LRP1B: variants seen among roughly 807,000 people sequenced by gnomAD.
LRP1B encodes the protein low-density lipoprotein receptor-related protein 1B.
A neutral mutation model predicts 556.6 loss-of-function variants in LRP1B; 217 were observed. The observed-to-expected ratio is 0.39, with a 90% CI of 0.35 to 0.44. LRP1B has a LOEUF of 0.44. Among genes scored for constraint, LRP1B ranks in the 20% least tolerant of loss-of-function variants. The pLI is 1.00. For missense variants in LRP1B, 5,053 were observed against 5,620.8 expected (o/e 0.90, Z 3.23); for synonymous variants, 2,047 against 1,865.8 (o/e 1.10, Z -2.50).
At chr2:141,902,284 T>C (rs931585423) in intron 1 of LRP1B, among the ~76,000 whole-genome samples, 2 of 151,842 alleles carry the variant, frequency 1.3e-5, no homozygotes, top group African/African-American at 4.8e-5. Flanking sequence ...AAAAGATGAT[T>C]AGAATTTTCC....
chr2:141,074,641 T>TA (rs1340525120), intron 7 of LRP1B, among the ~76,000 whole-genome samples: 1 of 148,016 alleles, frequency 6.8e-6, no homozygotes, highest in Non-Finnish European at 1.5e-5. Flanking sequence ...ATATATTACA[T>TA]ATATAATTTT....
chr2:142,031,330 A>ATCTTTTTTT (rs1553506158), intron 1 of LRP1B, among the ~76,000 whole-genome samples: 5 of 117,048 alleles, frequency 4.3e-5, no homozygotes, highest in African/African-American at 1.5e-4. Flanking sequence ...GATTATACTT[A>ATCTTTTTTT]TTTTTTTTTT....
At chr2:140,415,277 T>C (rs2105255249) in intron 66 of LRP1B, among the ~76,000 whole-genome samples, 1 of 150,668 alleles carries the variant, frequency 6.6e-6, no homozygotes, top group East Asian at 1.9e-4. Flanking sequence ...TGGACCCTTA[T>C]CAGTAGTTCT....
chr2:141,734,168 A>G (rs568185715), intron 2 of LRP1B, among the ~76,000 whole-genome samples: 4 of 152,274 alleles, frequency 2.6e-5, no homozygotes, highest in African/African-American at 9.6e-5. Context: ...ATTGTAATTA[A>G]TTGACGAATT....
At chr2:141,352,322 T>C (rs1453280393) in intron 3 of LRP1B, among the ~76,000 whole-genome samples, 1 of 151,946 alleles carries the variant, frequency 6.6e-6, no homozygotes, top group African/African-American at 2.4e-5. Flanking sequence ...TATTTATCCA[T>C]AGAAATGTGG....
intron 6 of LRP1B, among the ~76,000 whole-genome samples, chr2:141,228,044 A>G (rs1683312582): frequency 6.6e-6 from 1 of 152,080 alleles, no homozygotes; most frequent in African/African-American, 2.4e-5. Flanking sequence ...CTTCTGGCTC[A>G]ACCTCCCAAG....
At chr2:140,972,426 A>T (rs2105331009) in intron 18 of LRP1B, among the ~76,000 whole-genome samples, 1 of 152,284 alleles carries the variant, frequency 6.6e-6, no homozygotes, top group East Asian at 1.9e-4. Context: ...TTTGAAAGAA[A>T]ATTAAAACTC....
chr2:141,178,203 T>G (rs1240066485), intron 7 of LRP1B, among the ~76,000 whole-genome samples: 2 of 152,086 alleles, frequency 1.3e-5, no homozygotes, highest in East Asian at 3.9e-4. Flanking sequence ...CAACTTCAGG[T>G]GTAGTGTGGA....
chr2:142,019,132 G>T (rs1256701297), intron 1 of LRP1B, among the ~76,000 whole-genome samples: 1 of 152,086 alleles, frequency 6.6e-6, no homozygotes, highest in South Asian at 2.1e-4. Flanking sequence ...TTCAGAATTG[G>T]AATAAAAGAT....
At chr2:140,258,931 G>A (rs1008367471) in intron 86 of LRP1B, among the ~76,000 whole-genome samples, 3 of 151,974 alleles carry the variant, frequency 2.0e-5, no homozygotes, top group Non-Finnish European at 4.4e-5. Flanking sequence ...AAACCTATGG[G>A]AACTTTTTCT....
chr2:141,197,435 T>C (rs1435322158), intron 6 of LRP1B, among the ~76,000 whole-genome samples: 1 of 152,122 alleles, frequency 6.6e-6, no homozygotes, highest in Non-Finnish European at 1.5e-5. Flanking sequence ...TTGTCCGAAA[T>C]TGTCTCACAT....
At chr2:141,251,110 G>A (rs1215942134) in intron 4 of LRP1B, among the ~76,000 whole-genome samples, 2 of 152,072 alleles carry the variant, frequency 1.3e-5, no homozygotes, top group Non-Finnish European at 2.9e-5. Flanking sequence ...GTATGGGGTG[G>A]AGAAAATCCA....
chr2:140,423,276 T>C (rs1220621429), intron 66 of LRP1B, among the ~76,000 whole-genome samples: 1 of 152,158 alleles, frequency 6.6e-6, no homozygotes, highest in Non-Finnish European at 1.5e-5. Context: ...CAGCATTTAG[T>C]GCCAACATTT....
intron 1 of LRP1B, among the ~76,000 whole-genome samples, chr2:141,845,222 T>C (rs1281741821): frequency 1.3e-5 from 2 of 151,792 alleles, no homozygotes; most frequent in Non-Finnish European, 2.9e-5. Flanking sequence ...CAAAGTAATA[T>C]CACAGTCTTT....
At chr2:140,562,181 A>G (rs1680955783) in intron 43 of LRP1B, among the ~76,000 whole-genome samples, 1 of 152,186 alleles carries the variant, frequency 6.6e-6, no homozygotes, top group Admixed American at 6.6e-5. Flanking sequence ...GTTACTTTTA[A>G]AAGTTTAGTG....
At chr2:140,597,587 A>G (rs758531593) in intron 43 of LRP1B, among the ~76,000 whole-genome samples, 5 of 152,210 alleles carry the variant, frequency 3.3e-5, no homozygotes, top group Non-Finnish European at 5.9e-5. Flanking sequence ...TCAGAAATCT[A>G]AAGTTTATAA....
At chr2:140,467,612 C>CAAAAA (rs36060070) in intron 60 of LRP1B, among the ~76,000 whole-genome samples, 1 of 85,914 alleles carries the variant, frequency 1.2e-5, no homozygotes, top group African/African-American at 4.2e-5. Flanking sequence ...AACTCCATCT[C>CAAAAA]AAAAAAAAAA....
intron 41 of LRP1B, among the ~76,000 whole-genome samples, chr2:140,689,200 G>C (rs184947706): frequency 6.6e-6 from 1 of 152,284 alleles, no homozygotes; most frequent in East Asian, 1.9e-4. Flanking sequence ...AGGTAGAGAA[G>C]ATTGAAAACC....
chr2:141,546,958 C>T (rs1685578037), intron 2 of LRP1B, among the ~76,000 whole-genome samples: 1 of 152,134 alleles, frequency 6.6e-6, no homozygotes, highest in African/African-American at 2.4e-5. Context: ...TTCTTCTTTA[C>T]TTAGTATTGC....
Sources: gnomAD v4.1 joint callset for allele counts (sites outside exome capture counted in the v4.1 genomes callset) on GRCh38, gnomAD v4.1.1 for gene constraint, MANE v1.5 for transcripts, NCBI Gene and HGNC (gene_info 2026-07-23, HGNC 2026-07-21) for gene names.